The following TM6SF1 variants were observed in gnomAD, a reference collection of about 807,000 sequenced individuals.
TM6SF1 encodes the protein transmembrane 6 superfamily member 1.
In TM6SF1, 43 loss-of-function variants were observed where a neutral mutation model predicts 47.1. That is an observed-to-expected ratio of 0.91 (90% confidence interval 0.72 to 1.18). TM6SF1 has a LOEUF of 1.18. Ranked by LOEUF, TM6SF1 falls within the 50% of genes most tolerant of loss-of-function variation. The pLI, the probability that TM6SF1 is intolerant of heterozygous loss-of-function variation, is 0.00. For missense variants in TM6SF1, 390 were observed against 449.0 expected, an observed-to-expected ratio of 0.87 and a Z score of 1.19; for synonymous variants, 177 against 166.3, an observed-to-expected ratio of 1.06 and a Z score of -0.49.
At chr15:83,126,671 T>A in intron 7 of TM6SF1, 84 bp from the exon 8 acceptor site, 1 of 1,091,232 alleles carries the variant, frequency 9.2e-7, no homozygotes, top group African/African-American at 1.6e-5. Context: ...AGCTTGTGAC[T>A]AAACCTGGCA....
chr15:83,122,931 C>A, intron 6 of TM6SF1, 53 bp downstream of exon 6: 1 of 1,599,836 alleles, frequency 6.3e-7, no homozygotes, highest in South Asian at 1.1e-5. Flanking sequence ...AGGGTTCTTT[C>A]GCATCCACTG....
At chr15:83,115,608 T>C (rs2034586516) in intron 2 of TM6SF1, 1 of 654,978 alleles carries the variant, frequency 1.5e-6, no homozygotes, top group Non-Finnish European at 2.8e-6. Flanking sequence ...CATTCTCCAC[T>C]CCTGTGATGA....
At chr15:83,113,207 G>A in intron 2 of TM6SF1, 1 of 438,042 alleles carries the variant, frequency 2.3e-6, no homozygotes, top group Non-Finnish European at 4.2e-6. Context: ...CTCCTTCCTG[G>A]GCTTCCTGTC....
chr15:83,123,085 T>C (rs567424809), intron 6 of TM6SF1, among the ~76,000 whole-genome samples: 2 of 152,332 alleles, frequency 1.3e-5, no homozygotes, highest in African/African-American at 4.8e-5. Context: ...TCTGCTTCTG[T>C]TGGCAAGGCC....
At position 83,123,371 on chromosome 15, in the gene TM6SF1, C is replaced by G. The variant is rs558017919; in HGVS notation, c.603+493C>G. 2.6e-5 allele frequency among the ~76,000 whole-genome samples: 4 copies of G among 152,324 alleles called. No homozygotes were observed. In the South Asian group the frequency reaches 8.3e-4, roughly 32 times the overall value. On this transcript the variant is annotated intron_variant, in intron 6 of 9. Transcript: ENST00000322019. ...TGGCTACAGGACATCTGAGACACCT[C>G]CCTTCCATTCACAGCCAAGGTAGTC...
chr15:83,127,247 G>A, intron 8 of TM6SF1, 111 bp from the exon 9 acceptor site: 2 of 1,146,008 alleles, frequency 1.7e-6, no homozygotes, highest in Non-Finnish European at 2.3e-6. Flanking sequence ...TCCCATATAG[G>A]AAATAGGAAT....
intron 9 of TM6SF1, chr15:83,127,815 G>T (rs546329062): frequency 7.4e-6 from 2 of 269,238 alleles, no homozygotes; most frequent in East Asian, 1.4e-4. Context: ...ACTAAAAAAG[G>T]ATTGAGAGCT....
At chr15:83,110,291 C>G (rs1177546538) in intron 1 of TM6SF1, among the ~76,000 whole-genome samples, 1 of 152,102 alleles carries the variant, frequency 6.6e-6, no homozygotes. Context: ...CTTCCCACCC[C>G]CCAAGACTAG....
intron 5 of TM6SF1, 76 bp from the exon 6 acceptor site, chr15:83,122,681 A>G: frequency 6.5e-7 from 1 of 1,536,250 alleles, no homozygotes; most frequent in Non-Finnish European, 8.8e-7. Context: ...ATGACCTGAG[A>G]TGGGGAGGTA....
At chr15:83,108,273 G>GTA (rs1460353493) in intron 1 of TM6SF1, among the ~76,000 whole-genome samples, 4 of 152,176 alleles carry the variant, frequency 2.6e-5, no homozygotes, top group African/African-American at 4.8e-5. Flanking sequence ...CAGAGACGTG[G>GTA]GTTCTAGGCC....
rs1596538215 is a variant in TM6SF1, at chr15:83,136,469, TAAATGCAACAGGCTCAG to T, written c.922-11_927del. ...TCATGCTTACTCAATTTTTTTTTTT[TAAATGCAACAGGCTCAG>T]TTTTCTCACATTGGTGCATCTCTTC... On this transcript the variant is annotated splice_acceptor_variant and splice_polypyrimidine_tract_variant and coding_sequence_variant and intron_variant, in exon 10 of 10. Transcript: ENST00000322019. LOFTEE classifies it high-confidence loss of function. The T allele has an allele frequency of 1.3e-6, 2 of 1,562,220 alleles. No homozygotes were observed. Among genetic ancestry groups the T allele is most frequent in the Non-Finnish European group, 8.6e-7 (1 of 1,160,100 alleles).
chr15:83,124,131 A>G (rs1207533283), intron 6 of TM6SF1, among the ~76,000 whole-genome samples: 4 of 152,204 alleles, frequency 2.6e-5, no homozygotes, highest in African/African-American at 9.6e-5. Context: ...TATGGTATTC[A>G]GTTTGAGAAA....
Position 83,124,704 on chromosome 15 carries a change from G to A in TM6SF1, c.636G>A (p.Leu212=). Residue 212 remains leucine (L), a synonymous_variant, in exon 7 of 10, where the codon CTG becomes CTA. Transcript: ENST00000322019. ...VIQEAQAKDL[L]RRPFDLMLVV... ...AAGAAGCCCAAGCGAAAGACCTGCTGAGAAGACCATTTGATTTAATGTTGG... is the reference window on the plus strand; with the variant it reads ...AAGAAGCCCAAGCGAAAGACCTGCTAAGAAGACCATTTGATTTAATGTTGG... 6.2e-7 allele frequency: 1 copy of A among 1,614,110 alleles called. No homozygotes were observed. The highest frequency in any genetic ancestry group is 8.5e-7 in the Non-Finnish European group (1 of 1,180,006).
At position 83,122,123 on chromosome 15, in the gene TM6SF1, T is replaced by C. The variant is rs1373284085; in HGVS notation, c.481+120T>C. ...TGATTCCAAGCTTACTAAAAACCTG[T>C]TTTGCAGAATAATTCCTTTTTCTCA... On this transcript the variant is annotated intron_variant, in intron 5 of 9. Transcript: ENST00000322019. 5 of 820,008 alleles carry C rather than the reference T, an allele frequency of 6.1e-6. No individual in the cohort carries two copies. In the East Asian group the frequency reaches 1.4e-4, roughly 22 times the overall value. The allele number at this position is 820,008 out of a possible 1,614,324, so 50.8% of individuals were successfully genotyped here.
intron 9 of TM6SF1, chr15:83,135,731 T>C (rs1190067066): frequency 1.3e-5 from 2 of 152,246 alleles, no homozygotes; most frequent in Non-Finnish European, 2.9e-5. Context: ...ATGCGGATAA[T>C]GCTGACATGT....
At chr15:83,111,124 G>A (rs1014164557) in intron 1 of TM6SF1, among the ~76,000 whole-genome samples, 1 of 152,034 alleles carries the variant, frequency 6.6e-6, no homozygotes, top group Admixed American at 6.5e-5. Context: ...CACCCGCCTC[G>A]ACCTCCCAAA....
rs748892105 is a variant in TM6SF1, at chr15:83,136,912, TCATC to T, written c.*245_*248del. The T allele has an allele frequency of 3.1e-6, 1 of 319,370 alleles. No homozygotes were observed. The highest frequency in any genetic ancestry group is 5.7e-6 in the Non-Finnish European group (1 of 174,452). The allele number at this position is 319,370 out of a possible 1,614,324, so 19.8% of individuals were successfully genotyped here. ...CAAAATCATTTGTGAATAAACTTGA[TCATC>T]CATCTCAATATTGTTTGACATATAA... On this transcript the variant is annotated 3_prime_UTR_variant, in exon 10 of 10. Transcript: ENST00000322019.
intron 9 of TM6SF1, chr15:83,130,280 A>G (rs542611672): frequency 5.2e-5 from 8 of 152,460 alleles, no homozygotes; most frequent in Admixed American, 5.2e-4. Context: ...GCCTGTAGCA[A>G]TAAGACAAAC....
At chr15:83,118,230 T>TACACACACAC (rs72160704) in intron 3 of TM6SF1, among the ~76,000 whole-genome samples, 2 of 146,238 alleles carry the variant, frequency 1.4e-5, no homozygotes, top group East Asian at 4.1e-4. Context: ...TCTCTGTACG[T>TACACACACAC]ACACACACAC....
Sources: allele counts gnomAD v4.1 joint callset (sites outside exome capture counted in the v4.1 genomes callset), GRCh38; gene constraint gnomAD v4.1.1; transcripts MANE v1.5; gene names NCBI Gene and HGNC (gene_info 2026-07-23, HGNC 2026-07-21).